Variants in CARMIL1 observed in about 807,000 individuals in gnomAD.
CARMIL1 encodes F-actin-uncapping protein LRRC16A.
Under a neutral mutation model 177.1 loss-of-function variants are expected in CARMIL1, and 90 were observed. That is an observed-to-expected ratio of 0.51 (90% confidence interval 0.43 to 0.61). CARMIL1 has a LOEUF of 0.61. Among genes scored for constraint, CARMIL1 ranks in the 20% least tolerant of loss-of-function variants. The pLI is 0.00. For missense variants in CARMIL1, 1,380 were observed against 1,667.0 expected (o/e 0.83, Z 3.00); for synonymous variants, 577 against 606.2 (o/e 0.95, Z 0.71).
At chr6:25,429,215 A>C (rs535395790) in intron 4 of CARMIL1, among the ~76,000 whole-genome samples, 1 of 152,186 alleles carries the variant, frequency 6.6e-6, no homozygotes, top group East Asian at 1.9e-4. Flanking sequence ...ACTTCTTACC[A>C]TGAAAACAGT....
At chr6:25,293,392 T>G (rs1412159594) in intron 2 of CARMIL1, among the ~76,000 whole-genome samples, 1 of 151,774 alleles carries the variant, frequency 6.6e-6, no homozygotes, top group African/African-American at 2.4e-5. Flanking sequence ...AAGGTTTTTC[T>G]TATTTATTTT....
intron 2 of CARMIL1, among the ~76,000 whole-genome samples, chr6:25,348,612 T>G (rs560503303): frequency 2.0e-5 from 3 of 151,448 alleles, no homozygotes; most frequent in African/African-American, 7.3e-5. Flanking sequence ...TGAAACCCCA[T>G]CTCTACTAAA....
At chr6:25,341,818 C>T (rs532977139) in intron 2 of CARMIL1, among the ~76,000 whole-genome samples, 2 of 152,280 alleles carry the variant, frequency 1.3e-5, no homozygotes, top group South Asian at 4.1e-4. Flanking sequence ...CCTCTTAGCC[C>T]GACAGAATTT....
At chr6:25,606,376 G>A in intron 35 of CARMIL1, 103 bp downstream of exon 35, 7 of 1,027,868 alleles carry the variant, frequency 6.8e-6, no homozygotes, top group Non-Finnish European at 9.8e-6. Context: ...GGTGAGCGAG[G>A]TACAGCGGCT....
intron 3 of CARMIL1, among the ~76,000 whole-genome samples, chr6:25,421,307 A>G (rs560214195): frequency 6.6e-6 from 1 of 152,298 alleles, no homozygotes; most frequent in Non-Finnish European, 1.5e-5. Flanking sequence ...AGAAATGCAA[A>G]TCAAAACCAC....
intron 5 of CARMIL1, 123 bp downstream of exon 5, chr6:25,435,727 A>C: frequency 8.8e-7 from 1 of 1,135,206 alleles, no homozygotes; most frequent in Non-Finnish European, 1.2e-6. Context: ...TTCTCCTCTT[A>C]AATATTAAAT....
Position 25,372,394 on chromosome 6 carries a change from ATT to A in CARMIL1, c.139-47718_139-47717del, listed in dbSNP as rs201551647. Among the ~76,000 whole-genome samples, 801 of 151,230 alleles carry A rather than the reference ATT, an allele frequency of 5.3e-3. 7 individuals are homozygous for A. Among genetic ancestry groups the A allele is most frequent in the African/African-American group, 0.012 (512 of 41,404 alleles). ...TTCATGAGGATGGGATATTTTTTCC[ATT>A]TGTTTGTATTATCTTTGATTTCCTT... On this transcript the variant is annotated intron_variant, in intron 2 of 36. Transcript: ENST00000329474.
At chr6:25,340,705 C>T (rs952089773) in intron 2 of CARMIL1, among the ~76,000 whole-genome samples, 3 of 149,780 alleles carry the variant, frequency 2.0e-5, no homozygotes, top group African/African-American at 7.4e-5. Context: ...AATCCAAATG[C>T]CTCAATGTAC....
At position 25,401,975 on chromosome 6, in the gene CARMIL1, A is replaced by C. The variant is rs77771348; in HGVS notation, c.139-18139A>C. 1.5e-3 allele frequency among the ~76,000 whole-genome samples: 223 copies of C among 151,156 alleles called. 1 individual carries two copies. The East Asian group carries it at 0.021, about 14-fold the overall frequency. On this transcript the variant is annotated intron_variant, in intron 2 of 36. Coordinates refer to ENST00000329474, the MANE Select transcript of CARMIL1 (RefSeq NM_017640.6). ...TCTCAGCCTACTGAATTTGACAACC[A>C]AGGATTTGCGTGTAGTTTTTTTTTT... is the stretch of plus-strand genomic sequence containing the variant.
chr6:25,480,090 T>C (rs1339246220), intron 11 of CARMIL1, among the ~76,000 whole-genome samples: 1 of 152,142 alleles, frequency 6.6e-6, no homozygotes, highest in Non-Finnish European at 1.5e-5. Context: ...GCTCAGTATA[T>C]GATTCCTTTT....
intron 24 of CARMIL1, among the ~76,000 whole-genome samples, chr6:25,530,790 G>A (rs956675894): frequency 3.3e-5 from 5 of 152,156 alleles, no homozygotes; most frequent in Non-Finnish European, 5.9e-5. Flanking sequence ...AGTTATACAA[G>A]CTGAGAGAAA....
intron 8 of CARMIL1, chr6:25,452,181 C>T: frequency 1.3e-6 from 1 of 764,788 alleles, no homozygotes; most frequent in Non-Finnish European, 2.4e-6. Flanking sequence ...TCAGCTGTGT[C>T]TGTAGTTGTG....
intron 2 of CARMIL1, among the ~76,000 whole-genome samples, chr6:25,395,717 T>G (rs1419576863): frequency 6.6e-6 from 1 of 152,236 alleles, no homozygotes; most frequent in African/African-American, 2.4e-5. Context: ...CATTTGCAAG[T>G]CACTCTTAGC....
At chr6:25,451,391 T>C (rs73393843) in intron 8 of CARMIL1, among the ~76,000 whole-genome samples, 1,911 of 152,342 alleles carry the variant, frequency 0.013, 50 homozygotes, top group African/African-American at 0.043. Flanking sequence ...TTCTGAGATA[T>C]GACTTTTAGT....
chr6:25,555,158 A>G (rs1404836085), intron 28 of CARMIL1, among the ~76,000 whole-genome samples: 1 of 152,154 alleles, frequency 6.6e-6, no homozygotes. Flanking sequence ...GCACCAAAAA[A>G]GATAGAGTAT....
chr6:25,421,614 G>A (rs1177010363), intron 3 of CARMIL1, among the ~76,000 whole-genome samples: 3 of 151,322 alleles, frequency 2.0e-5, no homozygotes, highest in Non-Finnish European at 4.4e-5. Flanking sequence ...GCAAAGACTT[G>A]GAACCAACCC....
chr6:25,450,076 G>A, intron 6 of CARMIL1, 81 bp downstream of exon 6: 1 of 1,194,784 alleles, frequency 8.4e-7, no homozygotes, highest in East Asian at 2.5e-5. Flanking sequence ...TTCCTAGTGT[G>A]CTACTGTAAA....
intron 2 of CARMIL1, among the ~76,000 whole-genome samples, chr6:25,298,141 A>G (rs1486877475): frequency 1.3e-5 from 2 of 152,248 alleles, no homozygotes; most frequent in Admixed American, 6.5e-5. Context: ...AAAATATTTC[A>G]TAATAGTGCC....
intron 2 of CARMIL1, among the ~76,000 whole-genome samples, chr6:25,293,320 A>G (rs2690131): frequency 0.52 from 76,217 of 146,676 alleles, 19,717 homozygotes; most frequent in Middle Eastern, 0.57. Context: ...TAGCAGTAGT[A>G]GTAGTGGCAG....
Sources: gnomAD v4.1 joint callset for allele counts (sites outside exome capture counted in the v4.1 genomes callset) on GRCh38, gnomAD v4.1.1 for gene constraint, MANE v1.5 for transcripts, NCBI Gene and HGNC (gene_info 2026-07-23, HGNC 2026-07-21) for gene names.